Variants in ANK3 observed in about 807,000 individuals in gnomAD.
ANK3 encodes the protein ankyrin-3.
Under a neutral mutation model 370.9 loss-of-function variants are expected in ANK3, and 57 were observed. The observed-to-expected ratio is 0.15, with a 90% CI of 0.12 to 0.19. The LOEUF is 0.19. ANK3 is among the 10% of genes least tolerant of loss of function. ANK3 has a pLI of 1.00. For synonymous variants in ANK3, 1,929 were observed against 1,946.3 expected, an observed-to-expected ratio of 0.99 and a Z score of 0.23; for missense variants, 4,439 against 5,302.1, an observed-to-expected ratio of 0.84 and a Z score of 5.06.
Position 60,046,558 on chromosome 10 carries a change from T to A in ANK3, c.13066-3799A>T, listed in dbSNP as rs183173468. 5.9e-4 allele frequency among the ~76,000 whole-genome samples: 90 copies of A among 152,240 alleles called. 1 individual carries two copies. The highest frequency in any genetic ancestry group is 3.4e-3 in the Middle Eastern group (1 of 294). Reference sequence around the variant, plus strand: ...TGAATACATACAAGTATGTATTCATTGACTTAGATTCATTGACTTAGATTA... The same window carrying A: ...TGAATACATACAAGTATGTATTCATAGACTTAGATTCATTGACTTAGATTA... On this transcript the variant is annotated intron_variant, in intron 42 of 43. Coordinates refer to ENST00000280772, the MANE Select transcript of ANK3 (RefSeq NM_020987.5).
chr10:60,370,097 A>C (rs1436342586), intron 1 of ANK3, among the ~76,000 whole-genome samples: 1 of 152,186 alleles, frequency 6.6e-6, no homozygotes, highest in Non-Finnish European at 1.5e-5. Flanking sequence ...ATGTAGCTTC[A>C]AACTTTAAAC....
intron 42 of ANK3, among the ~76,000 whole-genome samples, chr10:60,050,999 GA>G (rs1196094752): frequency 1.3e-5 from 2 of 151,456 alleles, no homozygotes; most frequent in Non-Finnish European, 2.9e-5. Flanking sequence ...GATTGCTTAT[GA>G]AGAACTGGTT....
intron 1 of ANK3, among the ~76,000 whole-genome samples, chr10:60,695,160 C>G (rs2079426678): frequency 6.6e-6 from 1 of 152,136 alleles, no homozygotes; most frequent in Non-Finnish European, 1.5e-5. Context: ...AAGTCCATTA[C>G]ATAATGGTAA....
intron 2 of ANK3, among the ~76,000 whole-genome samples, chr10:60,421,250 G>C (rs2132951880): frequency 6.6e-6 from 1 of 152,198 alleles, no homozygotes; most frequent in South Asian, 2.1e-4. Flanking sequence ...GAGATAGATA[G>C]TAGGGATAGC....
chr10:60,314,105 A>G (rs1320012631), intron 1 of ANK3, among the ~76,000 whole-genome samples: 1 of 152,208 alleles, frequency 6.6e-6, no homozygotes, highest in African/African-American at 2.4e-5. Context: ...AACATTTACT[A>G]CAGTGGTGAT....
At chr10:60,048,955 A>G (rs2077397722) in intron 42 of ANK3, among the ~76,000 whole-genome samples, 1 of 152,226 alleles carries the variant, frequency 6.6e-6, no homozygotes, top group South Asian at 2.1e-4. Context: ...GATGGTTCCC[A>G]TGTCATATTC....
At position 60,465,789 on chromosome 10, in the gene ANK3, CTT is replaced by C. The variant is rs1205787609; in HGVS notation, c.96+149395_96+149396del. On this transcript the variant is annotated intron_variant, in intron 2 of 43. Transcript: ENST00000373827. The stretch of plus-strand genomic sequence containing the variant: ...AGTTTTCTTTTTCTTTTTTTTCTTT[CTT>C]TTTTTTTTTTTTTTTCAAAAAAAGA... Among the ~76,000 whole-genome samples the C allele has an allele frequency of 3.4e-3, 372 of 109,672 alleles. 3 individuals carry two copies. The highest frequency in any genetic ancestry group is 0.011 in the African/African-American group (339 of 30,170). The allele number at this position is 109,672 out of a possible 152,430, so 71.9% of individuals were successfully genotyped here.
chr10:60,363,012 A>G (rs1489634995), intron 1 of ANK3, among the ~76,000 whole-genome samples: 1 of 134,690 alleles, frequency 7.4e-6, no homozygotes, highest in East Asian at 2.3e-4. Context: ...TTCTTTTGCT[A>G]CCCTTTCCAG....
At chr10:60,683,335 A>G (rs1204479507) in intron 1 of ANK3, among the ~76,000 whole-genome samples, 1 of 152,226 alleles carries the variant, frequency 6.6e-6, no homozygotes, top group Non-Finnish European at 1.5e-5. Context: ...TATCTGGTAC[A>G]GTTATCAACT....
At chr10:60,196,464 T>C in intron 15 of ANK3, 63 bp downstream of exon 15, 1 of 1,165,130 alleles carries the variant, frequency 8.6e-7, no homozygotes, top group Non-Finnish European at 1.3e-6. Context: ...TAGTGAATAT[T>C]AGCAAGGGTG....
chr10:60,435,629 G>C (rs1256341877), intron 2 of ANK3, among the ~76,000 whole-genome samples: 3 of 151,832 alleles, frequency 2.0e-5, no homozygotes, highest in African/African-American at 7.3e-5. Context: ...AAAACACACG[G>C]ACCCAAAAAA....
intron 2 of ANK3, among the ~76,000 whole-genome samples, chr10:60,542,867 T>G (rs1167716885): frequency 6.6e-6 from 1 of 151,990 alleles, no homozygotes; most frequent in East Asian, 1.9e-4. Flanking sequence ...ATTTTAATGA[T>G]GTTTAAAGCT....
chr10:60,659,041 A>T (rs868597472), intron 1 of ANK3, among the ~76,000 whole-genome samples: 2 of 152,088 alleles, frequency 1.3e-5, no homozygotes, highest in African/African-American at 4.8e-5. Context: ...ATGGGAAAAA[A>T]TTAACAACAT....
At chr10:60,212,152 A>G (rs2096867446) in intron 9 of ANK3, among the ~76,000 whole-genome samples, 1 of 152,126 alleles carries the variant, frequency 6.6e-6, no homozygotes, top group Non-Finnish European at 1.5e-5. Context: ...AATGAGATGA[A>G]TAGGAGAAAA....
intron 43 of ANK3, among the ~76,000 whole-genome samples, chr10:60,037,701 G>A (rs1397845058): frequency 1.3e-5 from 2 of 152,108 alleles, no homozygotes; most frequent in Middle Eastern, 3.2e-3. Flanking sequence ...CCATTGATGG[G>A]CATTTAGGTT....
chr10:60,496,733 GA>G lies in ANK3; in HGVS notation c.96+118452del, dbSNP rs33910846. ...ATTCTCTGCATAACTTTTTGAGACC[GA>G]AAAAAAAAAAAAAAAAGATCACCCT... On this transcript the variant is annotated intron_variant, in intron 2 of 43. Transcript: ENST00000373827. Among the ~76,000 whole-genome samples the G allele has an allele frequency of 3.6e-3, 458 of 125,550 alleles. 2 individuals are homozygous for G. The highest frequency in any genetic ancestry group is 8.8e-3 in the African/African-American group (298 of 33,818). 82.4% of individuals were successfully genotyped at this position (125,550 alleles called of 152,430 possible).
intron 1 of ANK3, among the ~76,000 whole-genome samples, chr10:60,692,210 C>T (rs1165028772): frequency 6.6e-6 from 1 of 152,186 alleles, no homozygotes; most frequent in African/African-American, 2.4e-5. Context: ...AATATCAAAT[C>T]ACTGGGCAGT....
At chr10:60,648,146 CTTTTTTTTTTCCT>C (rs2078735262) in intron 1 of ANK3, among the ~76,000 whole-genome samples, 1 of 113,370 alleles carries the variant, frequency 8.8e-6, no homozygotes, top group Non-Finnish European at 1.7e-5. Context: ...CGGCCAGCCT[CTTTTTTTTTTCCT>C]TTTTTTTTTT....
At chr10:60,733,186 G>C in intron 1 of ANK3, 1 of 1,205,784 alleles carries the variant, frequency 8.3e-7, no homozygotes, top group Non-Finnish European at 1.0e-6. Context: ...CCCCCGGCCC[G>C]GGCCTCCCGC....
Sources: gnomAD v4.1 joint callset for allele counts (sites outside exome capture counted in the v4.1 genomes callset) on GRCh38, gnomAD v4.1.1 for gene constraint, MANE v1.5 for transcripts, NCBI Gene and HGNC (gene_info 2026-07-23, HGNC 2026-07-21) for gene names.